Variants in KIRREL3 observed in about 807,000 individuals in gnomAD.
The protein encoded by KIRREL3 is kirre like nephrin family adhesion molecule 3, also known as kin of IRRE-like protein 3.
Under a neutral mutation model 89.7 loss-of-function variants are expected in KIRREL3, and 36 were observed. The ratio of observed to expected loss-of-function variants is 0.40; its 90% CI spans 0.31 to 0.53. KIRREL3 has a LOEUF of 0.53. Among genes scored for constraint, KIRREL3 ranks in the 20% least tolerant of loss-of-function variants. The pLI, the probability that KIRREL3 is intolerant of heterozygous loss-of-function variation, is 0.49. For missense variants in KIRREL3, 864 were observed against 1,056.6 expected, an observed-to-expected ratio of 0.82 and a Z score of 2.53; for synonymous variants, 445 against 441.4, an observed-to-expected ratio of 1.01 and a Z score of -0.10.
rs1260647636 is a variant in KIRREL3, at chr11:126,436,937, C to A, written c.1426G>T (p.Glu476Ter). 3 of 1,611,926 alleles carry A rather than the reference C, an allele frequency of 1.9e-6. No homozygotes were observed. The highest frequency in any genetic ancestry group is 2.7e-5 in the African/African-American group (2 of 74,874). The change falls in exon 12 of 17, where the codon GAG becomes TAG. Residue 476 changes from glutamate (E) to a stop codon, truncating the protein, a stop_gained. Coordinates refer to ENST00000525144, the MANE Select transcript of KIRREL3 (RefSeq NM_032531.4). LOFTEE classifies it high-confidence loss of function. The part of the protein sequence containing the change: ...GRYTVETIST[E>*]EGVISTLTIS... The stretch of plus-strand genomic sequence containing the variant: ...GTCAGGGTGGAGATGACGCCCTCCT[C>A]GGTGCTGATGGTCTCCACCGTATAG...
At chr11:126,889,367 T>C (rs554144207) in intron 1 of KIRREL3, among the ~76,000 whole-genome samples, 16 of 152,354 alleles carry the variant, frequency 1.1e-4, no homozygotes, top group African/African-American at 3.4e-4. Flanking sequence ...CATAATTACA[T>C]TGACATTCGT....
At position 126,669,511 on chromosome 11, in the gene KIRREL3, T is replaced by A. The variant is rs1945840085; in HGVS notation, c.56-106599A>T. 6.6e-6 allele frequency among the ~76,000 whole-genome samples: 1 copy of A among 152,208 alleles called. No individual in the cohort carries two copies. Among genetic ancestry groups the A allele is most frequent in the South Asian group, 2.1e-4 (1 of 4,832 alleles). ...AGGGCTTAATCATGGGCGGTTAGAT[T>A]TTTAACTTCTGGTTCGGACTAATAC... On this transcript the variant is annotated intron_variant, in intron 1 of 16. Coordinates refer to ENST00000525144, the MANE Select transcript of KIRREL3 (RefSeq NM_032531.4). The surrounding 1 kb of genome is among the most constrained non-coding windows in gnomAD (Gnocchi z 5.0).
At chr11:126,834,991 T>C (rs1943731552) in intron 1 of KIRREL3, among the ~76,000 whole-genome samples, 1 of 152,186 alleles carries the variant, frequency 6.6e-6, no homozygotes, top group Admixed American at 6.5e-5. Context: ...CAGTTGTGTG[T>C]TTTGCAGTGG....
rs1041259554 is a variant in KIRREL3, at chr11:126,432,959, A to C, written c.1589-1433T>G. 6.6e-6 allele frequency among the ~76,000 whole-genome samples: 1 copy of C among 152,018 alleles called. No homozygotes were observed. The highest frequency in any genetic ancestry group is 2.4e-5 in the African/African-American group (1 of 41,376). ...AGTGGCACGATCTCAGTTCACTGCAACCTCCGCCTCCTGGGTTCAAGCGAT... is the reference window on the plus strand; with the variant it reads ...AGTGGCACGATCTCAGTTCACTGCACCCTCCGCCTCCTGGGTTCAAGCGAT... On this transcript the variant is annotated intron_variant, in intron 13 of 16. Transcript: ENST00000525144. The surrounding 1 kb of genome is among the most constrained non-coding windows in gnomAD (Gnocchi z 6.2).
At chr11:126,884,624 G>A (rs1441196878) in intron 1 of KIRREL3, among the ~76,000 whole-genome samples, 7 of 152,180 alleles carry the variant, frequency 4.6e-5, no homozygotes, top group Admixed American at 3.9e-4. Flanking sequence ...AGCACGCCAC[G>A]GGGTAAAATA....
Position 126,564,747 on chromosome 11 carries a change from C to A in KIRREL3, c.56-1835G>T, listed in dbSNP as rs1451172617. ...TACTGTATTTGTGGATTCTTTCTAACAACCACCTTCAAGAGGCAGGAATGC... is the reference window on the plus strand; with the variant it reads ...TACTGTATTTGTGGATTCTTTCTAAAAACCACCTTCAAGAGGCAGGAATGC... On this transcript the variant is annotated intron_variant, in intron 1 of 16. Transcript: ENST00000525144. The surrounding 1 kb of genome is among the most constrained non-coding windows in gnomAD (Gnocchi z 7.4). 2.0e-5 allele frequency among the ~76,000 whole-genome samples: 3 copies of A among 152,174 alleles called. No homozygotes were observed. Among genetic ancestry groups the A allele is most frequent in the African/African-American group, 7.2e-5 (3 of 41,454 alleles).
intron 1 of KIRREL3, among the ~76,000 whole-genome samples, chr11:126,967,351 C>T (rs1042461820): frequency 5.3e-5 from 8 of 152,104 alleles, no homozygotes; most frequent in South Asian, 4.2e-4. Flanking sequence ...AGGAGAGCAC[C>T]GTGCTAATGA....
At chr11:126,613,955 A>C (rs770879369) in intron 1 of KIRREL3, among the ~76,000 whole-genome samples, 4 of 146,860 alleles carry the variant, frequency 2.7e-5, no homozygotes, top group Non-Finnish European at 4.4e-5. Context: ...ATTTCTAAAC[A>C]GGCCTTGCTG....
In KIRREL3 at chr11:126,777,806, A is replaced by G. The variant is rs111710036; in HGVS notation, c.56-214894T>C. On this transcript the variant is annotated intron_variant, in intron 1 of 16. Transcript: ENST00000525144. ...CTTCCTCACCATGCTGTAACTATTT[A>G]TCTCTAGATCAGCCTTCTTGTTAGA... Among the ~76,000 whole-genome samples the G allele has an allele frequency of 7.6e-3, 1,151 of 152,242 alleles. 16 individuals carry two copies. The highest frequency in any genetic ancestry group is 0.026 in the African/African-American group (1,091 of 41,548).
At chr11:126,793,692 A>G (rs1950715894) in intron 1 of KIRREL3, among the ~76,000 whole-genome samples, 1 of 152,204 alleles carries the variant, frequency 6.6e-6, no homozygotes, top group Admixed American at 6.5e-5. Context: ...TTCACCCAAA[A>G]TGACTGAGAA....
At chr11:126,854,992 C>T (rs1227827872) in intron 1 of KIRREL3, among the ~76,000 whole-genome samples, 7 of 152,098 alleles carry the variant, frequency 4.6e-5, no homozygotes, top group Non-Finnish European at 5.9e-5. Flanking sequence ...ATGTGGAGTC[C>T]GAGGCACAGA....
rs1955364496 is a variant in KIRREL3, at chr11:126,436,925, T to A, written c.1438A>T (p.Ile480Phe). Residue 480 changes from isoleucine (I) to phenylalanine (F), a missense_variant, in exon 12 of 17, where the codon ATC becomes TTC. Physicochemically the swap from Ile to Phe is conservative, Grantham distance 21. Transcript: ENST00000525144. ...ATGTTGCTGATGGTCAGGGTGGAGA[T>A]GACGCCCTCCTCGGTGCTGATGGTC... is the stretch of plus-strand genomic sequence containing the variant. ...VETISTEEGVISTLTISNIVR... is the reference protein window; with the variant it reads ...VETISTEEGVFSTLTISNIVR... 1.9e-6 allele frequency: 3 copies of A among 1,612,824 alleles called. No homozygotes were observed. The highest frequency in any genetic ancestry group is 2.5e-6 in the Non-Finnish European group (3 of 1,179,538).
intron 1 of KIRREL3, among the ~76,000 whole-genome samples, chr11:126,810,802 G>A (rs1051036205): frequency 6.6e-6 from 1 of 152,160 alleles, no homozygotes; most frequent in Non-Finnish European, 1.5e-5. Flanking sequence ...ACACCAAATC[G>A]ATCAGGGAGG....
chr11:126,458,822 G>A (rs1012321481), intron 6 of KIRREL3, among the ~76,000 whole-genome samples: 2 of 152,184 alleles, frequency 1.3e-5, no homozygotes, highest in African/African-American at 4.8e-5. Flanking sequence ...ACAAAGATGG[G>A]GTTACAAGGA....
At position 126,647,334 on chromosome 11, in the gene KIRREL3, T is replaced by C. The variant is rs539326763; in HGVS notation, c.56-84422A>G. ...TTTAATTAACTTGTCTATTCACGCA[T>C]CCAACAAATATTTAATGAGTTTCTG... On this transcript the variant is annotated intron_variant, in intron 1 of 16. Transcript: ENST00000525144. The surrounding 1 kb of genome is among the most constrained non-coding windows in gnomAD (Gnocchi z 4.9). Among the ~76,000 whole-genome samples the C allele has an allele frequency of 6.6e-6, 1 of 152,114 alleles. No individual in the cohort carries two copies. Among genetic ancestry groups the C allele is most frequent in the South Asian group, 2.1e-4 (1 of 4,822 alleles).
chr11:126,637,662 C>T (rs1254434966), intron 1 of KIRREL3, among the ~76,000 whole-genome samples: 1 of 152,110 alleles, frequency 6.6e-6, no homozygotes, highest in African/African-American at 2.4e-5. Flanking sequence ...GAATGGAGAA[C>T]CTAAGAGAAC....
intron 1 of KIRREL3, among the ~76,000 whole-genome samples, chr11:126,866,886 A>C (rs1944944210): frequency 6.6e-6 from 1 of 152,140 alleles, no homozygotes; most frequent in African/African-American, 2.4e-5. Context: ...CACCTTGCCG[A>C]GAACTACCTC....
rs2134216689 is a variant in KIRREL3 at position 126,740,170 on chromosome 11, T to G, written c.56-177258A>C. Among the ~76,000 whole-genome samples, 1 of 152,328 alleles carries G rather than the reference T, an allele frequency of 6.6e-6. No individual in the cohort carries two copies. On this transcript the variant is annotated intron_variant, in intron 1 of 16. Coordinates refer to ENST00000525144, the MANE Select transcript of KIRREL3 (RefSeq NM_032531.4). This position sits in a 1 kb window ranked among gnomAD's most constrained non-coding sequence, Gnocchi z 6.0. ...AGTCATTGCTCTATTTTCAAGATAT[T>G]ATTTTTTAGAGGTGGCATCTAATTA...
chr11:126,479,629 C>T (rs1957168267), intron 4 of KIRREL3, among the ~76,000 whole-genome samples: 1 of 152,218 alleles, frequency 6.6e-6, no homozygotes, highest in Admixed American at 6.5e-5. Flanking sequence ...TCATGACAAA[C>T]TGACAAGTGC....
Sources: allele counts gnomAD v4.1 joint callset (sites outside exome capture counted in the v4.1 genomes callset), GRCh38; gene constraint gnomAD v4.1.1; non-coding constraint Gnocchi (gnomAD v3.1); transcripts MANE v1.5; gene names NCBI Gene and HGNC (gene_info 2026-07-23, HGNC 2026-07-21).